The following TJP1 variants were observed in gnomAD, a reference collection of about 807,000 sequenced individuals.
TJP1 encodes the protein tight junction protein ZO-1.
Under a neutral mutation model 194.2 loss-of-function variants are expected in TJP1, and 43 were observed. That is an observed-to-expected ratio of 0.22 (90% CI 0.17 to 0.29). The LOEUF is 0.29. Ranked by LOEUF, TJP1 falls within the 10% of genes least tolerant of loss-of-function variation. The probability of loss-of-function intolerance (pLI) is 1.00; values close to 1 mark genes in which losing one functional copy is unlikely to be tolerated. For missense variants in TJP1, 1,971 were observed against 2,185.7 expected (o/e 0.90, Z 1.96); for synonymous variants, 801 against 779.0 (o/e 1.03, Z -0.47).
At chr15:29,707,487 G>C (rs899922372) in intron 25 of TJP1, among the ~76,000 whole-genome samples, 4 of 152,196 alleles carry the variant, frequency 2.6e-5, no homozygotes, top group Non-Finnish European at 5.9e-5. Flanking sequence ...TAGGAAGGCA[G>C]TGACCGCCAT....
At chr15:29,848,268 A>T (rs2051496191) in intron 2 of TJP1, among the ~76,000 whole-genome samples, 1 of 151,772 alleles carries the variant, frequency 6.6e-6, no homozygotes, top group South Asian at 2.1e-4. Context: ...CCCCTTGCTG[A>T]TTTACTATTT....
At chr15:29,949,525 C>A (rs1596310572) in intron 2 of TJP1, among the ~76,000 whole-genome samples, 3 of 146,184 alleles carry the variant, frequency 2.1e-5, no homozygotes, top group African/African-American at 2.5e-5. Flanking sequence ...CCTCCACCAC[C>A]ACCACCTCCA....
At chr15:29,795,526 G>A (rs1025948642) in intron 2 of TJP1, among the ~76,000 whole-genome samples, 4 of 151,714 alleles carry the variant, frequency 2.6e-5, no homozygotes, top group Non-Finnish European at 5.9e-5. Flanking sequence ...AACTGAATTT[G>A]TAATGAAAAC....
intron 1 of TJP1, among the ~76,000 whole-genome samples, chr15:29,805,532 A>T (rs1366822567): frequency 6.6e-6 from 1 of 152,118 alleles, no homozygotes; most frequent in East Asian, 1.9e-4. Flanking sequence ...TCCATGTATC[A>T]TTCATTCATT....
chr15:29,859,954 A>T (rs1264647645), intron 2 of TJP1, among the ~76,000 whole-genome samples: 2 of 152,146 alleles, frequency 1.3e-5, no homozygotes, highest in East Asian at 3.9e-4. Context: ...GGAGAAAAGG[A>T]AAAAGGAGGC....
chr15:29,926,468 C>T lies in TJP1; in HGVS notation c.306+29764G>A, dbSNP rs569078110. ...CTACAAAAAAATGCAACAAATTAACCGGACATAGTGGAGCATGCCTGTAAT... is the reference window on the plus strand; with the variant it reads ...CTACAAAAAAATGCAACAAATTAACTGGACATAGTGGAGCATGCCTGTAAT... On this transcript the variant is annotated intron_variant, in intron 2 of 28. Coordinates refer to the TJP1 transcript ENST00000356107. Among the ~76,000 whole-genome samples, 5 of 152,082 alleles carry T rather than the reference C, an allele frequency of 3.3e-5. No homozygotes were observed. The South Asian group carries it at 6.3e-4, about 19-fold the overall frequency.
chr15:29,890,187 T>G (rs972130348), intron 2 of TJP1, among the ~76,000 whole-genome samples: 1 of 151,746 alleles, frequency 6.6e-6, no homozygotes, highest in African/African-American at 2.4e-5. Flanking sequence ...CCAACGAAAC[T>G]GGGAGGGGAC....
Position 29,716,701 on chromosome 15 carries a change from G to A in TJP1, c.4112C>T (p.Pro1371Leu). Residue 1371 changes from proline (P) to leucine (L), a missense_variant, in exon 23 of 28, where the codon CCT becomes CTT. Pro to Leu is a moderately conservative substitution (Grantham distance 98, BLOSUM62 -3). Transcript: ENST00000614355. ...YFDRRSFENK[P>L]PAHIAASHLS... Reference sequence around the variant, plus strand: ...ATGGCTGGCGGCAATGTGTGCAGGAGGCTTATTCTCAAAACTTCTTCGGTC... The same window carrying A: ...ATGGCTGGCGGCAATGTGTGCAGGAAGCTTATTCTCAAAACTTCTTCGGTC... The A allele has an allele frequency of 1.2e-6, 2 of 1,614,088 alleles. No individual in the cohort carries two copies. Among genetic ancestry groups the A allele is most frequent in the Middle Eastern group, 1.6e-4 (1 of 6,062 alleles).
At chr15:29,807,076 C>G (rs1387135391) in intron 1 of TJP1, among the ~76,000 whole-genome samples, 1 of 152,066 alleles carries the variant, frequency 6.6e-6, no homozygotes, top group Non-Finnish European at 1.5e-5. Context: ...CATCCAACAC[C>G]CCACTGTATT....
chr15:29,941,101 A>C (rs2055057745), intron 2 of TJP1, among the ~76,000 whole-genome samples: 1 of 152,070 alleles, frequency 6.6e-6, no homozygotes, highest in Non-Finnish European at 1.5e-5. Flanking sequence ...CCCTCCTTTC[A>C]AGGTTAGCAA....
chr15:29,855,727 G>A (rs769937724), intron 2 of TJP1, among the ~76,000 whole-genome samples: 93 of 151,892 alleles, frequency 6.1e-4, no homozygotes, highest in Non-Finnish European at 7.4e-4. Context: ...CTGGTGGCAC[G>A]CGCCTGTAAT....
chr15:29,802,638 A>T (rs2048862367), intron 1 of TJP1, among the ~76,000 whole-genome samples: 2 of 152,120 alleles, frequency 1.3e-5, no homozygotes, highest in Admixed American at 1.3e-4. Context: ...ATCAATGAGA[A>T]GCAACAATAG....
rs2041489662 is a variant in TJP1, at chr15:29,700,724, A to AG, written c.*870_*871insC. 3.9e-6 allele frequency: 1 copy of AG among 258,130 alleles called. No homozygotes were observed. Among genetic ancestry groups the AG allele is most frequent in the Non-Finnish European group, 7.2e-6 (1 of 138,786 alleles). The allele number at this position is 258,130 out of a possible 1,614,324, so 16.0% of individuals were successfully genotyped here. A position where few individuals can be genotyped will look rare whatever the true frequency, so the allele number is the denominator to read the frequency against. Reference sequence around the variant, plus strand: ...GAAAACCACCACTGCCCCTTGTCAAAAAAAAAAAAAAAGAAAAGAAAAGAA... The same window carrying AG: ...GAAAACCACCACTGCCCCTTGTCAAAGAAAAAAAAAAAAGAAAAGAAAAGAA... On this transcript the variant is annotated 3_prime_UTR_variant, in exon 28 of 28. Transcript: ENST00000614355.
intron 1 of TJP1, among the ~76,000 whole-genome samples, chr15:29,958,253 T>C (rs1397260266): frequency 6.6e-6 from 1 of 152,106 alleles, no homozygotes; most frequent in Non-Finnish European, 1.5e-5. Flanking sequence ...TATCTTGTGT[T>C]TGTATTTTCA....
intron 5 of TJP1, 134 bp downstream of exon 5, chr15:29,766,132 A>G: frequency 8.3e-7 from 1 of 1,209,576 alleles, no homozygotes; most frequent in East Asian, 2.4e-5. Context: ...CCATAACAGG[A>G]TTTGACTTAC....
intron 1 of TJP1, among the ~76,000 whole-genome samples, chr15:29,814,013 A>C (rs2049719802): frequency 1.3e-5 from 2 of 152,262 alleles, no homozygotes; most frequent in African/African-American, 2.4e-5. Context: ...GGAGCTGTTA[A>C]GCATATAAGC....
At chr15:29,767,772 T>G (rs1407721648) in intron 4 of TJP1, among the ~76,000 whole-genome samples, 1 of 152,116 alleles carries the variant, frequency 6.6e-6, no homozygotes, top group Admixed American at 6.6e-5. Context: ...TTTCAGTATT[T>G]CCCCTCCTAA....
intron 2 of TJP1, among the ~76,000 whole-genome samples, chr15:29,917,359 T>TACCTA (rs1370738383): frequency 6.6e-6 from 1 of 152,194 alleles, no homozygotes; most frequent in Non-Finnish European, 1.5e-5. Context: ...CTATTAAAAA[T>TACCTA]ACCTAAGCTA....
chr15:29,765,971 G>C (rs922102202), intron 5 of TJP1, among the ~76,000 whole-genome samples: 8 of 152,150 alleles, frequency 5.3e-5, no homozygotes, highest in African/African-American at 1.9e-4. Flanking sequence ...GAAAAACACT[G>C]AATTTCCATT....
Sources: gnomAD v4.1 joint callset for allele counts (sites outside exome capture counted in the v4.1 genomes callset) on GRCh38, gnomAD v4.1.1 for gene constraint, MANE v1.5 for transcripts, NCBI Gene and HGNC (gene_info 2026-07-23, HGNC 2026-07-21) for gene names.